The following KDM2B variants were observed in gnomAD, a reference collection of about 807,000 sequenced individuals.
KDM2B encodes the protein lysine-specific demethylase 2B.
A neutral mutation model predicts 150.0 loss-of-function variants in KDM2B; 26 were observed. That is an observed-to-expected ratio of 0.17 (90% CI 0.13 to 0.24). The LOEUF (loss-of-function observed/expected upper bound fraction) is 0.24, where lower values mean the gene tolerates loss of function less well. KDM2B is among the 10% of genes least tolerant of loss of function. The pLI is 1.00. For synonymous variants in KDM2B, 734 were observed against 729.5 expected, an observed-to-expected ratio of 1.01 and a Z score of -0.10; for missense variants, 1,265 against 1,816.9, an observed-to-expected ratio of 0.70 and a Z score of 5.52.
chr12:121,417,971 G>A, the KDM2B span: 2 of 1,533,350 alleles, frequency 1.3e-6, no homozygotes, highest in South Asian at 2.5e-5. This position sits in a 1 kb window ranked among gnomAD's most constrained non-coding sequence, Gnocchi z 5.0. Flanking sequence ...GCCGTATATG[G>A]TGGGGCCTTT....
intron 8 of KDM2B, among the ~76,000 whole-genome samples, chr12:121,527,982 T>A (rs1887299376): frequency 6.6e-6 from 1 of 152,110 alleles, no homozygotes; most frequent in South Asian, 2.1e-4. Flanking sequence ...GTTTCCAACC[T>A]CCTATTCCCC....
intron 9 of KDM2B, chr12:121,516,570 G>T (rs1485654955): frequency 7.0e-7 from 1 of 1,422,272 alleles, no homozygotes; most frequent in East Asian, 2.7e-5. Flanking sequence ...TGACAGACTC[G>T]GAGCCTCACC....
At chr12:121,574,743 A>G in intron 3 of KDM2B, 150 bp from the exon 4 acceptor site, 1 of 686,748 alleles carries the variant, frequency 1.5e-6, no homozygotes, top group Non-Finnish European at 2.5e-6. Context: ...GGAGAGAAGT[A>G]GACCAGTTGA....
At position 121,478,866 on chromosome 12, in the gene KDM2B, T is replaced by TTG. The variant is rs71874668; in HGVS notation, c.1734+15711_1734+15712dup. Among the ~76,000 whole-genome samples the TTG allele has an allele frequency of 4.4e-3, 574 of 131,208 alleles. 1 individual carries two copies. The highest frequency in any genetic ancestry group is 5.1e-3 in the Non-Finnish European group (324 of 63,206). 86.1% of individuals were successfully genotyped at this position (131,208 alleles called of 152,430 possible). A position where few individuals can be genotyped will look rare whatever the true frequency, so the allele number is the denominator to read the frequency against. ...CCACAACCGGCTAATTTTTGTTTGTTTGTGTGTGTGTGTGTGTGTGTGTGT... is the reference window on the plus strand; with the variant it reads ...CCACAACCGGCTAATTTTTGTTTGTTTGTGTGTGTGTGTGTGTGTGTGTGTGT... On this transcript the variant is annotated intron_variant, in intron 12 of 22. Transcript: ENST00000377071.
rs1877770822 is a variant in KDM2B, at chr12:121,453,886, A to G, written c.1735-542T>C. 6.6e-6 allele frequency among the ~76,000 whole-genome samples: 1 copy of G among 152,180 alleles called. No homozygotes were observed. Among genetic ancestry groups the G allele is most frequent in the Non-Finnish European group, 1.5e-5 (1 of 68,028 alleles). Reference sequence around the variant, plus strand: ...GAGGGCGCGTGCTTCTTGCCGCAGCACACAGCTCGAGACCTTCCATGGCTG... The same window carrying G: ...GAGGGCGCGTGCTTCTTGCCGCAGCGCACAGCTCGAGACCTTCCATGGCTG... On this transcript the variant is annotated intron_variant, in intron 12 of 22. Transcript: ENST00000377071. The surrounding 1 kb of genome is among the most constrained non-coding windows in gnomAD (Gnocchi z 6.4).
chr12:121,553,230 C>T (rs1292346826), intron 4 of KDM2B, among the ~76,000 whole-genome samples: 3 of 138,388 alleles, frequency 2.2e-5, no homozygotes, highest in South Asian at 4.7e-4. Flanking sequence ...GACTCTGTCT[C>T]AAAAAAAAAA....
In KDM2B at chr12:121,538,466, C is replaced by G. The variant is rs142073658; in HGVS notation, c.684-3876G>C. Among the ~76,000 whole-genome samples the G allele has an allele frequency of 3.4e-3, 521 of 152,244 alleles. 11 individuals are homozygous for G. The highest frequency in any genetic ancestry group is 0.029 in the Admixed American group (440 of 15,296). On this transcript the variant is annotated intron_variant, in intron 6 of 22. Transcript: ENST00000377071. ...GTGTGACCTTAAACAACTCACTTCC[C>G]CTCTCTGAACAGCATCCTCACTGCT...
In KDM2B at chr12:121,442,157, C is replaced by G; in HGVS notation, c.3284G>C (p.Trp1095Ser). 1 of 1,613,466 alleles carries G rather than the reference C, an allele frequency of 6.2e-7. No homozygotes were observed. Among genetic ancestry groups the G allele is most frequent in the Non-Finnish European group, 8.5e-7 (1 of 1,179,876 alleles). The change falls in exon 19 of 23, where the codon TGG (tryptophan) becomes TCG (serine). Residue 1095 changes from tryptophan (W) to serine (S), a missense_variant and splice_region_variant. Transcript: ENST00000377071. This position sits in a 1 kb window ranked among gnomAD's most constrained non-coding sequence, Gnocchi z 7.7. Reference protein sequence around the residue: ...CMRVCRTWNRWCCDKRLWTRI... With the variant: ...CMRVCRTWNRSCCDKRLWTRI... ...GAGCCCTACACAGGCCGCCGCTCAC[C>G]AGCGGTTCCAGGTCCTGCAGACCCG...
intron 13 of KDM2B, among the ~76,000 whole-genome samples, chr12:121,446,142 T>C (rs1876143387): frequency 6.6e-6 from 1 of 152,148 alleles, no homozygotes; most frequent in South Asian, 2.1e-4. Context: ...ACGCCTGTAA[T>C]CCCAGCACTT....
At chr12:121,416,411 A>G in the KDM2B span, 1 of 1,325,844 alleles carries the variant, frequency 7.5e-7, no homozygotes, top group Non-Finnish European at 1.1e-6. Flanking sequence ...AACAACACAC[A>G]TGGGTCAGCA....
intron 4 of KDM2B, among the ~76,000 whole-genome samples, chr12:121,554,352 T>A (rs1485584985): frequency 1.3e-5 from 2 of 152,128 alleles, no homozygotes; most frequent in African/African-American, 2.4e-5. Flanking sequence ...TCTGGGAGTG[T>A]TTCCAAATAA....
rs1192898495 is a variant in KDM2B at position 121,549,192 on chromosome 12, C to T, written c.577-209G>A. 3.9e-5 allele frequency among the ~76,000 whole-genome samples: 6 copies of T among 152,046 alleles called. No homozygotes were observed. The highest frequency in any genetic ancestry group is 1.2e-4 in the African/African-American group (5 of 41,396). On this transcript the variant is annotated intron_variant, in intron 5 of 22. Transcript: ENST00000377071. This position sits in a 1 kb window ranked among gnomAD's most constrained non-coding sequence, Gnocchi z 4.4. ...TGAAACAGTCGCTGGGGGTCGGGCA[C>T]GGTAGCTTATACCTCTAATCTAAGT...
In KDM2B at chr12:121,513,253, TG is replaced by T; in HGVS notation, c.1174+22del. 6.2e-7 allele frequency: 1 copy of T among 1,608,196 alleles called. No individual in the cohort carries two copies. The highest frequency in any genetic ancestry group is 8.5e-7 in the Non-Finnish European group (1 of 1,175,632). ...TGCCCCAGCTGTGCAGCCGAGGCCG[TG>T]GGCTCCCTCCGGTTCACTCACCAAT... On this transcript the variant is annotated intron_variant, in intron 10 of 22. Coordinates refer to ENST00000377071, the MANE Select transcript of KDM2B (RefSeq NM_032590.5). This position sits in a 1 kb window ranked among gnomAD's most constrained non-coding sequence, Gnocchi z 5.0.
chr12:121,528,623 A>T (rs538480023), intron 8 of KDM2B, among the ~76,000 whole-genome samples: 1 of 152,272 alleles, frequency 6.6e-6, no homozygotes, highest in African/African-American at 2.4e-5. Flanking sequence ...TTGGATGCAT[A>T]GCTGAATTCT....
chr12:121,501,639 G>C (rs980677129), intron 11 of KDM2B, among the ~76,000 whole-genome samples: 8 of 151,648 alleles, frequency 5.3e-5, no homozygotes, highest in African/African-American at 1.9e-4. Flanking sequence ...TTTGTTTTTT[G>C]AGACAGAGTC....
intron 2 of KDM2B, among the ~76,000 whole-genome samples, 158 bp from the exon 3 acceptor site, chr12:121,576,017 C>G (rs888836158): frequency 4.6e-5 from 7 of 152,086 alleles, no homozygotes; most frequent in African/African-American, 1.7e-4. Context: ...GGAAAATGAT[C>G]GGGAAATGGA....
the KDM2B span, among the ~76,000 whole-genome samples, chr12:121,410,403 G>C: frequency 4.1e-4 from 62 of 152,098 alleles, no homozygotes; most frequent in African/African-American, 1.4e-3. Flanking sequence ...CGGGTGTGGT[G>C]GTGGGTGCCT....
intron 3 of KDM2B, among the ~76,000 whole-genome samples, chr12:121,574,836 G>C (rs1372511745): frequency 9.2e-5 from 14 of 152,202 alleles, no homozygotes; most frequent in Non-Finnish European, 1.6e-4. Context: ...TCAGCAGAGG[G>C]TAGGACATCC....
intron 6 of KDM2B, among the ~76,000 whole-genome samples, chr12:121,540,754 C>CAAAA (rs60199948): frequency 7.8e-5 from 5 of 64,494 alleles, no homozygotes; most frequent in African/African-American, 1.5e-4. Flanking sequence ...GACTCTGTCT[C>CAAAA]AAAAAAAAAA....
Sources: gnomAD v4.1 joint callset for allele counts (sites outside exome capture counted in the v4.1 genomes callset) on GRCh38, gnomAD v4.1.1 for gene constraint, Gnocchi (gnomAD v3.1) non-coding constraint, MANE v1.5 for transcripts, NCBI Gene and HGNC (gene_info 2026-07-23, HGNC 2026-07-21) for gene names.